PIK3C2G: variants seen among roughly 807,000 people sequenced by gnomAD.
PIK3C2G encodes phosphatidylinositol-4-phosphate 3-kinase catalytic subunit type 2 gamma.
In PIK3C2G, 168 loss-of-function variants were observed where a neutral mutation model predicts 181.1. The observed-to-expected ratio is 0.93, with a 90% CI of 0.82 to 1.05. The LOEUF is 1.05. Ranked by LOEUF, PIK3C2G falls within the 50% of genes least tolerant of loss-of-function variation. PIK3C2G has a pLI of 0.00. For synonymous variants in PIK3C2G, 573 were observed against 592.2 expected, an observed-to-expected ratio of 0.97 and a Z score of 0.47; for missense variants, 1,869 against 1,732.8, an observed-to-expected ratio of 1.08 and a Z score of -1.40.
At chr12:18,625,539 T>C (rs1949058998) in intron 31 of PIK3C2G, among the ~76,000 whole-genome samples, 1 of 151,846 alleles carries the variant, frequency 6.6e-6, no homozygotes, top group Non-Finnish European at 1.5e-5. Flanking sequence ...TGCGTCCTTT[T>C]GGTCTAAAGT....
chr12:18,671,227 T>C, the PIK3C2G span, among the ~76,000 whole-genome samples: 1 of 151,706 alleles, frequency 6.6e-6, no homozygotes, highest in Non-Finnish European at 1.5e-5. Context: ...GAAAAAGTGC[T>C]ATCTAGTTCC....
chr12:18,356,733 C>T (rs1487918770), intron 11 of PIK3C2G, among the ~76,000 whole-genome samples: 3 of 152,036 alleles, frequency 2.0e-5, no homozygotes, highest in South Asian at 4.2e-4. Flanking sequence ...CATCGCTGGC[C>T]GAAATCTTCT....
At chr12:18,427,626 AGTT>A (rs1945909726) in intron 18 of PIK3C2G, among the ~76,000 whole-genome samples, 1 of 152,100 alleles carries the variant, frequency 6.6e-6, no homozygotes, top group African/African-American at 2.4e-5. Flanking sequence ...CATTTGCTAA[AGTT>A]GTATGAAAAG....
At chr12:18,399,272 A>G (rs1944101218) in intron 15 of PIK3C2G, among the ~76,000 whole-genome samples, 1 of 151,778 alleles carries the variant, frequency 6.6e-6, no homozygotes. Context: ...AAAAAAAATA[A>G]GAAAGTAAAC....
At chr12:18,293,762 T>C in intron 4 of PIK3C2G, 139 bp from the exon 5 acceptor site, 1 of 615,870 alleles carries the variant, frequency 1.6e-6, no homozygotes. Flanking sequence ...GTCAGATGAA[T>C]CTCAATTTAA....
chr12:18,561,063 C>A (rs1945318628), intron 26 of PIK3C2G, among the ~76,000 whole-genome samples: 1 of 152,110 alleles, frequency 6.6e-6, no homozygotes, highest in African/African-American at 2.4e-5. Flanking sequence ...GGCCACAGAC[C>A]AACTGTTGTC....
At chr12:18,646,059 C>T (rs1950113879) in intron 32 of PIK3C2G, among the ~76,000 whole-genome samples, 3 of 152,058 alleles carry the variant, frequency 2.0e-5, no homozygotes, top group Admixed American at 2.0e-4. Flanking sequence ...GAAAGATTTC[C>T]AGGCAGCATT....
intron 18 of PIK3C2G, among the ~76,000 whole-genome samples, chr12:18,434,071 T>A (rs1946311359): frequency 1.3e-5 from 2 of 152,044 alleles, no homozygotes; most frequent in African/African-American, 4.8e-5. Flanking sequence ...GGCTGAAAAA[T>A]CCAAGATCAA....
At chr12:18,696,509 A>G in the PIK3C2G span, among the ~76,000 whole-genome samples, 6 of 151,154 alleles carry the variant, frequency 4.0e-5, no homozygotes, top group Non-Finnish European at 8.9e-5. Flanking sequence ...ATGTATGTAC[A>G]CTGATCATTC....
intron 24 of PIK3C2G, among the ~76,000 whole-genome samples, chr12:18,521,076 A>G (rs576752535): frequency 6.6e-6 from 1 of 151,776 alleles, no homozygotes; most frequent in African/African-American, 2.4e-5. Flanking sequence ...ATGTGTGGAG[A>G]TGTCACTCGA....
At chr12:18,687,147 A>G in the PIK3C2G span, among the ~76,000 whole-genome samples, 1 of 152,242 alleles carries the variant, frequency 6.6e-6, no homozygotes, top group South Asian at 2.1e-4. Context: ...CATTGATAAC[A>G]TAGGATAAGG....
intron 5 of PIK3C2G, among the ~76,000 whole-genome samples, chr12:18,310,383 T>C (rs1232233963): frequency 6.6e-6 from 1 of 151,902 alleles, no homozygotes; most frequent in African/African-American, 2.4e-5. Flanking sequence ...AAATAAACTA[T>C]TTTTAAGAAA....
chr12:18,702,740 G>A, the PIK3C2G span, among the ~76,000 whole-genome samples: 2 of 152,050 alleles, frequency 1.3e-5, no homozygotes, highest in African/African-American at 4.8e-5. Flanking sequence ...GAATTGTGGG[G>A]CTGGAATTGG....
At chr12:18,696,313 A>T in the PIK3C2G span, 1 of 470,664 alleles carries the variant, frequency 2.1e-6, no homozygotes, top group Non-Finnish European at 3.4e-6. Flanking sequence ...AAATAAATTT[A>T]AAAAGCCACT....
At chr12:18,333,435 C>G (rs1185084134) in intron 8 of PIK3C2G, among the ~76,000 whole-genome samples, 1 of 152,120 alleles carries the variant, frequency 6.6e-6, no homozygotes, top group Non-Finnish European at 1.5e-5. Context: ...TCTCCCTCCT[C>G]TAACCCCCCA....
chr12:18,597,050 A>G (rs1439135010), intron 30 of PIK3C2G, among the ~76,000 whole-genome samples: 1 of 152,056 alleles, frequency 6.6e-6, no homozygotes, highest in Non-Finnish European at 1.5e-5. Flanking sequence ...GGGAAGAAAA[A>G]GATTAAAAAA....
At chr12:18,311,602 T>C (rs12367771) in intron 5 of PIK3C2G, among the ~76,000 whole-genome samples, 9,444 of 152,100 alleles carry the variant, frequency 0.062, 419 homozygotes, top group Non-Finnish European at 0.096. Flanking sequence ...TACTACAGTA[T>C]ATGTGTACAT....
At position 18,453,033 on chromosome 12, in the gene PIK3C2G, T is replaced by A. The variant is rs1451745641; in HGVS notation, c.2504+28994T>A. 2.6e-5 allele frequency among the ~76,000 whole-genome samples: 4 copies of A among 152,344 alleles called. No individual in the cohort carries two copies. In the East Asian group the frequency reaches 7.7e-4, roughly 29 times the overall value. On this transcript the variant is annotated intron_variant, in intron 18 of 32. Coordinates refer to ENST00000538779, the MANE Select transcript of PIK3C2G (RefSeq NM_001288772.2). ...GTCCTATGTGGTGCTGAGAAGAATG[T>A]ACATTCTGTTCATTTGAGTTGGAGA...
intron 28 of PIK3C2G, among the ~76,000 whole-genome samples, chr12:18,564,877 T>C (rs1945540772): frequency 6.6e-6 from 1 of 152,210 alleles, no homozygotes; most frequent in Admixed American, 6.5e-5. Context: ...GTTTCAAAAA[T>C]GTCTCTGTTC....
Sources: gnomAD v4.1 joint callset for allele counts (sites outside exome capture counted in the v4.1 genomes callset) on GRCh38, gnomAD v4.1.1 for gene constraint, MANE v1.5 for transcripts, NCBI Gene and HGNC (gene_info 2026-07-23, HGNC 2026-07-21) for gene names.